The following RREB1 variants were observed in gnomAD, a reference collection of about 807,000 sequenced individuals.
RREB1 encodes ras responsive element binding protein 1, also known as ras-responsive element-binding protein 1.
Under a neutral mutation model 117.8 loss-of-function variants are expected in RREB1, and 27 were observed. That is an observed-to-expected ratio of 0.23 (90% confidence interval 0.17 to 0.32). The LOEUF (loss-of-function observed/expected upper bound fraction) is 0.32. RREB1 is among the 10% of genes least tolerant of loss of function. The pLI is 1.00. For synonymous variants in RREB1, 1,298 were observed against 1,026.7 expected (o/e 1.26, Z -5.05); for missense variants, 2,577 against 2,378.2 (o/e 1.08, Z -1.74).
chr6:7,177,412 G>A (rs1316768118), intron 2 of RREB1, among the ~76,000 whole-genome samples: 2 of 150,324 alleles, frequency 1.3e-5, no homozygotes, highest in African/African-American at 4.9e-5. Context: ...CAGACCATGT[G>A]TGTTAAAAAC....
chr6:7,213,859 C>T (rs1766749240), intron 8 of RREB1: 1 of 152,252 alleles, frequency 6.6e-6, no homozygotes. Flanking sequence ...CAGATACCAC[C>T]TTAGAAACTA....
At position 7,230,229 on chromosome 6, in the gene RREB1, C is replaced by G; in HGVS notation, c.2130C>G (p.Val710=). 1 of 1,604,324 alleles carries G rather than the reference C, an allele frequency of 6.2e-7. No individual in the cohort carries two copies. Among genetic ancestry groups the G allele is most frequent in the Admixed American group, 1.7e-5 (1 of 60,018 alleles). The change falls in exon 10 of 13, where the codon GTC becomes GTG. Residue 710 remains valine, a synonymous_variant. Coordinates refer to ENST00000379938, the MANE Select transcript of RREB1 (RefSeq NM_001003699.4). ...AGATCTGCCACTACCCCTTCACTGT[C>G]AAAGCCAACTGCGAGCGGCACCTGC... The part of the protein sequence containing the change: ...ICKICHYPFT[V]KANCERHLRK...
At chr6:7,165,542 T>C (rs547170642) in intron 1 of RREB1, among the ~76,000 whole-genome samples, 1 of 151,992 alleles carries the variant, frequency 6.6e-6, no homozygotes, top group Non-Finnish European at 1.5e-5. Flanking sequence ...AGAGGTAGGC[T>C]TTTGATTGAG....
At position 7,231,225 on chromosome 6, in the gene RREB1, G is replaced by A. The variant is rs776670917; in HGVS notation, c.3126G>A (p.Leu1042=). The A allele has an allele frequency of 6.2e-7, 1 of 1,612,420 alleles. No individual in the cohort carries two copies. The highest frequency in any genetic ancestry group is 8.5e-7 in the Non-Finnish European group (1 of 1,179,788). Residue 1042 remains leucine, a synonymous_variant, in exon 10 of 13, where the codon CTG becomes CTA. Coordinates refer to ENST00000379938, the MANE Select transcript of RREB1 (RefSeq NM_001003699.4). ...SSALLSGTAL[L]RPLRPKPPLL... ...CCCTCCTGAGTGGCACAGCCTTGCT[G>A]CGTCCACTGCGGCCCAAGCCCCCGC...
chr6:7,143,020 C>G (rs1366973310), intron 1 of RREB1, among the ~76,000 whole-genome samples: 1 of 152,182 alleles, frequency 6.6e-6, no homozygotes, highest in Non-Finnish European at 1.5e-5. Context: ...AAACAGGTCA[C>G]TTTTACATTT....
intron 1 of RREB1, among the ~76,000 whole-genome samples, chr6:7,143,174 C>T (rs1302184137): frequency 6.6e-6 from 1 of 152,152 alleles, no homozygotes; most frequent in Non-Finnish European, 1.5e-5. Context: ...GCTGCAAACC[C>T]GAGTGTTTTC....
At chr6:7,209,598 G>A (rs1328199674) in intron 6 of RREB1, among the ~76,000 whole-genome samples, 2 of 136,780 alleles carry the variant, frequency 1.5e-5, no homozygotes, top group Non-Finnish European at 1.5e-5. Context: ...TTTTGAGACC[G>A]GTTCTCAGTC....
chr6:7,251,489 CTTTTTTTTT>C lies in RREB1; in HGVS notation c.*2535_*2543del, dbSNP rs34678863. ...GTTTTTTGAGGTGCAAGTTTTTTCT[CTTTTTTTTT>C]TTTTTTTTTTTTTCTCATTGATTAA... On this transcript the variant is annotated 3_prime_UTR_variant, in exon 13 of 13. Transcript: ENST00000379938. 6.6e-5 allele frequency: 8 copies of C among 121,354 alleles called. No homozygotes were observed. Among genetic ancestry groups the C allele is most frequent in the African/African-American group, 1.3e-4 (4 of 31,418 alleles). The allele number at this position is 121,354 out of a possible 1,614,324, so 7.5% of individuals were successfully genotyped here. A position where few individuals can be genotyped will look rare whatever the true frequency, so the allele number is the denominator to read the frequency against.
At chr6:7,140,108 C>T (rs2113380823) in intron 1 of RREB1, among the ~76,000 whole-genome samples, 1 of 152,294 alleles carries the variant, frequency 6.6e-6, no homozygotes, top group East Asian at 1.9e-4. Context: ...GGGGAAAGAC[C>T]ATCAGGCTTC....
chr6:7,147,462 T>A (rs768041255), intron 1 of RREB1, among the ~76,000 whole-genome samples: 12 of 152,084 alleles, frequency 7.9e-5, no homozygotes, highest in Non-Finnish European at 1.3e-4. Context: ...GTAGATAACC[T>A]TTGAGGAAAA....
chr6:7,251,568 G>A lies in RREB1; in HGVS notation c.*2600G>A, dbSNP rs1769414498. On this transcript the variant is annotated 3_prime_UTR_variant, in exon 13 of 13. Transcript: ENST00000379938. ...CAATCACTACATGAAACACCTGGCT[G>A]TGAAAACAAAACAACCCAGAGGGCT... 6.9e-6 allele frequency: 1 copy of A among 144,536 alleles called. No homozygotes were observed. The highest frequency in any genetic ancestry group is 2.2e-4 in the South Asian group (1 of 4,588). The allele number at this position is 144,536 out of a possible 1,614,324, so 9.0% of individuals were successfully genotyped here.
At chr6:7,218,850 A>G (rs571891560) in intron 8 of RREB1, 7 of 148,660 alleles carry the variant, frequency 4.7e-5, no homozygotes, top group African/African-American at 1.5e-4. Context: ...AAAAAAAAGG[A>G]TATCCTGTCT....
At chr6:7,210,777 C>T (rs1198269727) in intron 6 of RREB1, 27 bp from the exon 7 acceptor site, 1 of 1,587,952 alleles carries the variant, frequency 6.3e-7, no homozygotes, top group Admixed American at 1.8e-5. Flanking sequence ...TGTTAGATCA[C>T]ATTGTGTGTG....
intron 1 of RREB1, among the ~76,000 whole-genome samples, chr6:7,159,424 A>G (rs550276837): frequency 2.0e-4 from 30 of 152,354 alleles, no homozygotes; most frequent in Middle Eastern, 6.8e-3. Flanking sequence ...ACAGCCGCAT[A>G]GATGGGGCTC....
intron 12 of RREB1, among the ~76,000 whole-genome samples, chr6:7,248,112 G>A (rs1769207174): frequency 6.6e-6 from 1 of 152,230 alleles, no homozygotes; most frequent in Non-Finnish European, 1.5e-5. Flanking sequence ...GCAATGCAGA[G>A]GGTAACTGGT....
At chr6:7,128,318 G>A (rs1267744105) in intron 1 of RREB1, among the ~76,000 whole-genome samples, 1 of 152,136 alleles carries the variant, frequency 6.6e-6, no homozygotes, top group Admixed American at 6.5e-5. Context: ...TTGTGCAGGA[G>A]GAAGTAGGAT....
chr6:7,123,755 C>G (rs886720215), intron 1 of RREB1, among the ~76,000 whole-genome samples: 1 of 151,736 alleles, frequency 6.6e-6, no homozygotes, highest in Admixed American at 6.6e-5. Context: ...GGACTACAGG[C>G]GCCCGCCACC....
intron 2 of RREB1, among the ~76,000 whole-genome samples, chr6:7,177,687 C>T (rs1405258670): frequency 1.3e-5 from 2 of 151,960 alleles, no homozygotes; most frequent in Non-Finnish European, 2.9e-5. Flanking sequence ...ACACATGCTA[C>T]CATACCTGGC....
chr6:7,130,836 C>G (rs539060862), intron 1 of RREB1, among the ~76,000 whole-genome samples: 144 of 150,760 alleles, frequency 9.6e-4, no homozygotes, highest in African/African-American at 3.4e-3. Flanking sequence ...AGGCTGGTCT[C>G]AAACTTCTGA....
Sources: gnomAD v4.1 joint callset for allele counts (sites outside exome capture counted in the v4.1 genomes callset) on GRCh38, gnomAD v4.1.1 for gene constraint, MANE v1.5 for transcripts, NCBI Gene and HGNC (gene_info 2026-07-23, HGNC 2026-07-21) for gene names.